Variants in RGS6 observed in about 807,000 individuals in gnomAD.
The protein encoded by RGS6 is regulator of G protein signaling 6.
Under a neutral mutation model 78.5 loss-of-function variants are expected in RGS6, and 30 were observed. The observed-to-expected ratio is 0.38, with a 90% confidence interval of 0.29 to 0.52. The LOEUF is 0.52. Among genes scored for constraint, RGS6 ranks in the 20% least tolerant of loss-of-function variants. The probability of loss-of-function intolerance (pLI) is 0.85; values close to 1 mark genes in which losing one functional copy is unlikely to be tolerated. For missense variants in RGS6, 495 were observed against 609.7 expected, an observed-to-expected ratio of 0.81 and a Z score of 1.98; for synonymous variants, 206 against 206.0, an observed-to-expected ratio of 1.00 and a Z score of 0.00.
the RGS6 span, chr14:72,629,519 C>G: frequency 3.7e-6 from 4 of 1,094,686 alleles, no homozygotes; most frequent in Non-Finnish European, 5.2e-6. Flanking sequence ...GCCAGGGTAA[C>G]AGGCCCCAGG....
intron 1 of RGS6, among the ~76,000 whole-genome samples, chr14:71,947,107 G>C (rs1026143517): frequency 2.0e-5 from 3 of 152,126 alleles, no homozygotes; most frequent in African/African-American, 7.2e-5. Flanking sequence ...ATTACAGTTA[G>C]TGTACAATTC....
chr14:72,416,551 A>T (rs1296035369), intron 3 of RGS6, among the ~76,000 whole-genome samples: 1 of 152,212 alleles, frequency 6.6e-6, no homozygotes, highest in Non-Finnish European at 1.5e-5. Context: ...AAGAAAAAAA[A>T]AATTAAGCTG....
intron 2 of RGS6, among the ~76,000 whole-genome samples, chr14:72,241,307 C>A (rs945466445): frequency 6.6e-6 from 1 of 152,166 alleles, no homozygotes; most frequent in Non-Finnish European, 1.5e-5. Context: ...TGCATATTAA[C>A]AACCCCTTTC....
intron 2 of RGS6, among the ~76,000 whole-genome samples, chr14:72,231,716 C>A (rs984632206): frequency 6.6e-6 from 1 of 152,152 alleles, no homozygotes; most frequent in Non-Finnish European, 1.5e-5. Context: ...AAACAGGACC[C>A]CGAAGGCATG....
intron 2 of RGS6, among the ~76,000 whole-genome samples, chr14:72,064,307 G>A (rs1200935157): frequency 2.0e-5 from 3 of 152,148 alleles, no homozygotes; most frequent in South Asian, 2.1e-4. Context: ...GATCCAGAGG[G>A]CACTGATGCC....
chr14:72,438,797 A>G (rs933963247), intron 3 of RGS6, among the ~76,000 whole-genome samples: 8 of 152,248 alleles, frequency 5.3e-5, no homozygotes, highest in Non-Finnish European at 8.8e-5. Context: ...TTTTAAAAAC[A>G]TAAACTGGAC....
intron 17 of RGS6, among the ~76,000 whole-genome samples, chr14:72,551,369 G>A (rs539046718): frequency 9.9e-5 from 15 of 152,244 alleles, no homozygotes; most frequent in East Asian, 3.9e-4. Flanking sequence ...GTGGCTGACC[G>A]TCCCATACCA....
At chr14:72,072,838 T>C (rs137947668) in intron 2 of RGS6, among the ~76,000 whole-genome samples, 2 of 152,340 alleles carry the variant, frequency 1.3e-5, no homozygotes, top group African/African-American at 4.8e-5. Flanking sequence ...GGTAGTCTTG[T>C]AATTATTAGA....
intron 2 of RGS6, among the ~76,000 whole-genome samples, chr14:72,177,398 G>C (rs955771611): frequency 6.6e-6 from 1 of 152,206 alleles, no homozygotes; most frequent in Non-Finnish European, 1.5e-5. Context: ...AGGGTAAGTA[G>C]ATGGCTTGTG....
chr14:72,561,021 G>A (rs567257782), intron 17 of RGS6, among the ~76,000 whole-genome samples: 1 of 151,572 alleles, frequency 6.6e-6, no homozygotes, highest in Non-Finnish European at 1.5e-5. Context: ...AGTCAGGCTG[G>A]CCATGCCTCT....
intron 2 of RGS6, among the ~76,000 whole-genome samples, chr14:72,165,825 C>G (rs531928408): frequency 2.6e-4 from 39 of 152,186 alleles, no homozygotes; most frequent in South Asian, 1.0e-3. Context: ...TGGTCCTGTT[C>G]TCTGTGGACA....
At position 72,368,356 on chromosome 14, in the gene RGS6, T is replaced by C. The variant is rs554598580; in HGVS notation, c.184+16162T>C. ...AGATGTTCTAACTGAATCTACCTCA[T>C]GGAACCCTCATGATCTAGTCATTCA... On this transcript the variant is annotated intron_variant, in intron 3 of 17. Coordinates refer to ENST00000553525, the MANE Select transcript of RGS6 (RefSeq NM_001204424.2). Among the ~76,000 whole-genome samples, 6 of 152,348 alleles carry C rather than the reference T, an allele frequency of 3.9e-5. No individual in the cohort carries two copies. The East Asian group carries it at 1.2e-3, about 29-fold the overall frequency.
In RGS6 at chr14:72,430,105, T is replaced by G. The variant is rs180706674; in HGVS notation, c.185-24423T>G. On this transcript the variant is annotated intron_variant, in intron 3 of 17. Coordinates refer to ENST00000553525, the MANE Select transcript of RGS6 (RefSeq NM_001204424.2). ...GCAGTTCTTTACAGCAGTATGAAAATGGACTAATACAACACCCTCCATGCA... is the reference window on the plus strand; with the variant it reads ...GCAGTTCTTTACAGCAGTATGAAAAGGGACTAATACAACACCCTCCATGCA... 7.3e-4 allele frequency among the ~76,000 whole-genome samples: 111 copies of G among 152,276 alleles called. 1 individual carries two copies. The highest frequency in any genetic ancestry group is 2.4e-3 in the African/African-American group (100 of 41,558).
chr14:72,157,468 G>T (rs1056500990), intron 2 of RGS6, among the ~76,000 whole-genome samples: 1 of 152,200 alleles, frequency 6.6e-6, no homozygotes, highest in Admixed American at 6.5e-5. Flanking sequence ...AGCAGCAGAG[G>T]TGCTATGTGT....
chr14:72,085,616 G>C (rs1482080653), intron 2 of RGS6, among the ~76,000 whole-genome samples: 1 of 152,148 alleles, frequency 6.6e-6, no homozygotes, highest in Admixed American at 6.5e-5. Context: ...CACTTTGGGA[G>C]GCCAAGGCGG....
At chr14:71,881,533 T>C in the RGS6 span, among the ~76,000 whole-genome samples, 1 of 152,188 alleles carries the variant, frequency 6.6e-6, no homozygotes, top group East Asian at 1.9e-4. Context: ...TGAATACGTC[T>C]CAAGAGGTCT....
intron 3 of RGS6, among the ~76,000 whole-genome samples, chr14:72,412,446 T>G (rs2093488856): frequency 6.6e-6 from 1 of 152,196 alleles, no homozygotes; most frequent in African/African-American, 2.4e-5. Context: ...GTCTATTTGA[T>G]TCTTCTCTCT....
chr14:72,521,543 T>C (rs28680686), intron 15 of RGS6, among the ~76,000 whole-genome samples: 6,374 of 152,294 alleles, frequency 0.042, 459 homozygotes, highest in African/African-American at 0.15. Flanking sequence ...ATCTAATTTC[T>C]ACAGCAATCT....
chr14:72,550,528 A>T (rs1405515735), intron 17 of RGS6: 2 of 1,535,598 alleles, frequency 1.3e-6, no homozygotes, highest in Non-Finnish European at 1.7e-6. Flanking sequence ...GGAAATGGAG[A>T]TGGAGCATCC....
Sources: allele counts gnomAD v4.1 joint callset (sites outside exome capture counted in the v4.1 genomes callset), GRCh38; gene constraint gnomAD v4.1.1; transcripts MANE v1.5; gene names NCBI Gene and HGNC (gene_info 2026-07-23, HGNC 2026-07-21).